GRM5: variants seen among roughly 807,000 people sequenced by gnomAD.
GRM5 encodes the protein metabotropic glutamate receptor 5.
A neutral mutation model predicts 83.1 loss-of-function variants in GRM5; 19 were observed. The observed-to-expected ratio is 0.23, with a 90% CI of 0.16 to 0.34. GRM5 has a LOEUF of 0.34. Among genes scored for constraint, GRM5 ranks in the 10% least tolerant of loss-of-function variants. The pLI is 1.00. For missense variants in GRM5, 1,160 were observed against 1,588.3 expected, an observed-to-expected ratio of 0.73 and a Z score of 4.58; for synonymous variants, 675 against 633.6, an observed-to-expected ratio of 1.07 and a Z score of -0.98.
At chr11:88,530,576 T>G (rs1331378630) in intron 8 of GRM5, among the ~76,000 whole-genome samples, 1 of 152,094 alleles carries the variant, frequency 6.6e-6, no homozygotes, top group Non-Finnish European at 1.5e-5. Context: ...TAGGATCAGA[T>G]AGTAAATGTA....
intron 3 of GRM5, among the ~76,000 whole-genome samples, chr11:88,684,558 G>A (rs1241196101): frequency 6.6e-6 from 1 of 152,214 alleles, no homozygotes; most frequent in African/African-American, 2.4e-5. Context: ...CTTGAAGAAG[G>A]CATGGTAGAA....
intron 8 of GRM5, among the ~76,000 whole-genome samples, chr11:88,541,676 CTT>C (rs1942271567): frequency 6.6e-6 from 1 of 152,148 alleles, no homozygotes; most frequent in Admixed American, 6.5e-5. Flanking sequence ...ACTTATATAA[CTT>C]TTTCTCAAAT....
chr11:88,631,533 C>A (rs1466446025), intron 4 of GRM5, among the ~76,000 whole-genome samples: 1 of 152,094 alleles, frequency 6.6e-6, no homozygotes, highest in Admixed American at 6.6e-5. Context: ...GCCATTTTAT[C>A]CCCATCATGA....
At chr11:89,001,443 C>T (rs1476858413) in intron 2 of GRM5, among the ~76,000 whole-genome samples, 1 of 151,974 alleles carries the variant, frequency 6.6e-6, no homozygotes, top group Non-Finnish European at 1.5e-5. Context: ...AGTGAAAAAG[C>T]CAAACCCGGA....
intron 3 of GRM5, among the ~76,000 whole-genome samples, chr11:88,793,142 GC>G (rs1306165616): frequency 6.6e-6 from 1 of 152,084 alleles, no homozygotes; most frequent in African/African-American, 2.4e-5. Flanking sequence ...CAGAGCAGTT[GC>G]CACCTAACTG....
At chr11:88,663,282 A>G (rs994632686) in intron 3 of GRM5, among the ~76,000 whole-genome samples, 1 of 152,208 alleles carries the variant, frequency 6.6e-6, no homozygotes, top group Non-Finnish European at 1.5e-5. Flanking sequence ...TTTTGGTCCT[A>G]GGATGGCAGG....
At chr11:88,868,731 A>G (rs1379632033) in intron 2 of GRM5, among the ~76,000 whole-genome samples, 3 of 151,808 alleles carry the variant, frequency 2.0e-5, no homozygotes, top group Non-Finnish European at 2.9e-5. Context: ...CTGAGTATTC[A>G]GTAGTTTTTC....
At chr11:88,837,804 G>T (rs1180662703) in intron 3 of GRM5, among the ~76,000 whole-genome samples, 1 of 152,132 alleles carries the variant, frequency 6.6e-6, no homozygotes, top group Non-Finnish European at 1.5e-5. Flanking sequence ...AGTTACGTCG[G>T]CCGGGCGCGG....
At chr11:88,604,623 T>C (rs553001161) in intron 5 of GRM5, 95 bp downstream of exon 5, 7 of 1,042,758 alleles carry the variant, frequency 6.7e-6, no homozygotes, top group African/African-American at 1.6e-5. Context: ...CCAGGAAACC[T>C]AGATTAACCA....
rs150292666 is a variant in GRM5, at chr11:88,702,815, G to A, written c.912-49412C>T. Among the ~76,000 whole-genome samples the A allele has an allele frequency of 2.6e-3, 388 of 152,150 alleles. 1 individual carries two copies. The highest frequency in any genetic ancestry group is 8.5e-3 in the African/African-American group (355 of 41,530). On this transcript the variant is annotated intron_variant, in intron 3 of 9. Transcript: ENST00000305447. The stretch of plus-strand genomic sequence containing the variant: ...GAGAAATATACACCAGGGGCACCAT[G>A]CACAGAGGGACAGCCACATGAGTAG...
chr11:88,871,992 T>C (rs766582246), intron 2 of GRM5, among the ~76,000 whole-genome samples: 1 of 151,554 alleles, frequency 6.6e-6, no homozygotes, highest in Non-Finnish European at 1.5e-5. Context: ...GGCTGCTGAA[T>C]TTTATCAAGT....
intron 4 of GRM5, among the ~76,000 whole-genome samples, chr11:88,625,819 GACAA>G (rs1382549341): frequency 6.6e-6 from 1 of 152,104 alleles, no homozygotes; most frequent in Non-Finnish European, 1.5e-5. Context: ...AAAAAAATCA[GACAA>G]ACAGCAACAA....
At chr11:88,941,475 G>GGGAGA (rs1565302350) in intron 2 of GRM5, among the ~76,000 whole-genome samples, 4 of 93,760 alleles carry the variant, frequency 4.3e-5, no homozygotes, top group African/African-American at 1.7e-4. Flanking sequence ...AAGAGAAGAG[G>GGGAGA]GGAGGGGAGA....
intron 2 of GRM5, among the ~76,000 whole-genome samples, chr11:88,921,916 T>TAAAAA (rs1945698999): frequency 8.9e-6 from 1 of 112,774 alleles, no homozygotes; most frequent in African/African-American, 3.6e-5. Context: ...CAAATAAAAA[T>TAAAAA]ACAAAAAAAA....
At chr11:88,589,791 T>C (rs1389038563) in intron 7 of GRM5, among the ~76,000 whole-genome samples, 1 of 152,198 alleles carries the variant, frequency 6.6e-6, no homozygotes, top group African/African-American at 2.4e-5. Context: ...TGTAATCATA[T>C]TTTTACTTTT....
At chr11:88,653,494 A>T in intron 3 of GRM5, 91 bp from the exon 4 acceptor site, 1 of 782,234 alleles carries the variant, frequency 1.3e-6, no homozygotes, top group Non-Finnish European at 2.1e-6. Flanking sequence ...ATTAGTCATT[A>T]AATGGCTACC....
intron 2 of GRM5, among the ~76,000 whole-genome samples, chr11:89,027,403 T>C (rs1941152634): frequency 1.3e-5 from 2 of 152,164 alleles, no homozygotes; most frequent in African/African-American, 4.8e-5. Flanking sequence ...CGGCATTTTC[T>C]TACTCACTCA....
intron 2 of GRM5, among the ~76,000 whole-genome samples, chr11:89,033,788 G>A (rs573775039): frequency 6.6e-6 from 1 of 151,672 alleles, no homozygotes. Flanking sequence ...CCAAATACGT[G>A]AAAGCAATTC....
At chr11:88,654,084 G>T (rs1401424100) in intron 3 of GRM5, among the ~76,000 whole-genome samples, 1 of 151,948 alleles carries the variant, frequency 6.6e-6, no homozygotes, top group Non-Finnish European at 1.5e-5. Flanking sequence ...GTGCCCAAAA[G>T]AACTTCTGAA....
Sources: allele counts gnomAD v4.1 joint callset (sites outside exome capture counted in the v4.1 genomes callset), GRCh38; gene constraint gnomAD v4.1.1; transcripts MANE v1.5; gene names NCBI Gene and HGNC (gene_info 2026-07-23, HGNC 2026-07-21).